Variants in TXNDC11 observed in about 807,000 individuals in gnomAD.
TXNDC11 encodes thioredoxin domain-containing protein 11.
TXNDC11 carries 68 observed loss-of-function variants against 78.0 expected under a neutral mutation model. The ratio of observed to expected loss-of-function variants is 0.87; its 90% CI spans 0.72 to 1.07. The LOEUF (loss-of-function observed/expected upper bound fraction) is 1.07. Among genes scored for constraint, TXNDC11 ranks in the 50% least tolerant of loss-of-function variants. The pLI is 0.00. For missense variants in TXNDC11, 1,389 were observed against 1,221.8 expected (o/e 1.14, Z -2.04); for synonymous variants, 571 against 495.2 (o/e 1.15, Z -2.03).
chr16:11,700,308 G>A (rs970693480), intron 6 of TXNDC11, 144 bp downstream of exon 6: 3 of 441,486 alleles, frequency 6.8e-6, no homozygotes, highest in African/African-American at 6.1e-5. Flanking sequence ...GGGTGGGGCT[G>A]TAAGAACTCT....
chr16:11,708,996 A>G (rs906851622), intron 5 of TXNDC11, among the ~76,000 whole-genome samples: 7 of 152,228 alleles, frequency 4.6e-5, no homozygotes, highest in African/African-American at 1.7e-4. Context: ...GATGTTATAT[A>G]TTTCCAATAA....
chr16:11,730,861 C>G, intron 3 of TXNDC11, 87 bp from the exon 4 acceptor site: 1 of 1,022,770 alleles, frequency 9.8e-7, no homozygotes, highest in Admixed American at 3.4e-5. Context: ...AAAATCATCA[C>G]CACCACAAAA....
intron 5 of TXNDC11, among the ~76,000 whole-genome samples, chr16:11,720,529 C>A (rs2051671942): frequency 6.6e-6 from 1 of 150,638 alleles, no homozygotes; most frequent in African/African-American, 2.5e-5. Context: ...GATTCTCCTG[C>A]CTCAGCCTCC....
intron 5 of TXNDC11, among the ~76,000 whole-genome samples, chr16:11,711,158 G>A (rs892695314): frequency 2.6e-5 from 4 of 151,084 alleles, no homozygotes; most frequent in African/African-American, 7.2e-5. Flanking sequence ...GCAAAGCCAA[G>A]AGGGAATCAC....
rs146918482 is a variant in TXNDC11, at chr16:11,726,864, G to A, written c.699+3781C>T. ...GAGGCTAGGAGTTCAAGACCAGCCT[G>A]GCCAAATGGTGAAACCCCATCTCTA... On this transcript the variant is annotated intron_variant, in intron 4 of 11. Coordinates refer to ENST00000283033, the MANE Select transcript of TXNDC11 (RefSeq NM_015914.7). Among the ~76,000 whole-genome samples, 419 of 152,176 alleles carry A rather than the reference G, an allele frequency of 2.8e-3. 1 individual carries two copies. The highest frequency in any genetic ancestry group is 9.2e-3 in the African/African-American group (383 of 41,516).
intron 7 of TXNDC11, among the ~76,000 whole-genome samples, chr16:11,693,008 G>C (rs888283475): frequency 6.6e-6 from 1 of 152,176 alleles, no homozygotes; most frequent in African/African-American, 2.4e-5. Context: ...TGCACCTCCA[G>C]TGTCCCTGAG....
intron 10 of TXNDC11, among the ~76,000 whole-genome samples, chr16:11,687,523 C>A (rs2050597300): frequency 6.6e-6 from 1 of 152,206 alleles, no homozygotes; most frequent in Non-Finnish European, 1.5e-5. Flanking sequence ...GATCCCAGGA[C>A]CCACTGGCAT....
At chr16:11,724,724 G>C (rs1353858616) in intron 4 of TXNDC11, among the ~76,000 whole-genome samples, 1 of 152,116 alleles carries the variant, frequency 6.6e-6, no homozygotes, top group Non-Finnish European at 1.5e-5. Flanking sequence ...TCCACAACTG[G>C]AGTAACTGAA....
At chr16:11,712,538 A>G (rs555586177) in intron 5 of TXNDC11, among the ~76,000 whole-genome samples, 1 of 152,328 alleles carries the variant, frequency 6.6e-6, no homozygotes, top group African/African-American at 2.4e-5. Flanking sequence ...CATTATAGCT[A>G]TATCACATAC....
At chr16:11,740,327 G>A (rs1156471866) in intron 1 of TXNDC11, among the ~76,000 whole-genome samples, 1 of 152,144 alleles carries the variant, frequency 6.6e-6, no homozygotes, top group East Asian at 1.9e-4. Flanking sequence ...TCTATTAAAA[G>A]ACTGTCAAAT....
intron 5 of TXNDC11, among the ~76,000 whole-genome samples, chr16:11,701,128 CTTTTTTTT>C (rs397855467): frequency 3.0e-5 from 3 of 101,648 alleles, no homozygotes; most frequent in South Asian, 3.1e-4. Flanking sequence ...CCAATGTCCT[CTTTTTTTT>C]TTTTTTTTTT....
intron 5 of TXNDC11, among the ~76,000 whole-genome samples, chr16:11,710,422 T>C (rs1362997091): frequency 6.6e-6 from 1 of 152,182 alleles, no homozygotes; most frequent in Non-Finnish European, 1.5e-5. Flanking sequence ...CCAAGGGCCA[T>C]TGCATTTTCA....
intron 8 of TXNDC11, 170 bp downstream of exon 8, chr16:11,691,120 C>T: frequency 1.6e-6 from 1 of 614,942 alleles, no homozygotes; most frequent in South Asian, 2.1e-5. Context: ...ATTTAATAGA[C>T]AAAATTAGCT....
At chr16:11,723,683 T>C (rs2051785737) in intron 4 of TXNDC11, among the ~76,000 whole-genome samples, 1 of 152,164 alleles carries the variant, frequency 6.6e-6, no homozygotes. Context: ...ACAAACAATA[T>C]GACAATGTTG....
At chr16:11,702,080 A>G (rs1227176786) in intron 5 of TXNDC11, among the ~76,000 whole-genome samples, 2 of 143,356 alleles carry the variant, frequency 1.4e-5, no homozygotes, top group South Asian at 4.3e-4. Flanking sequence ...GTGTGTGTGT[A>G]TGTATGTATG....
At chr16:11,723,437 T>C (rs1350319226) in intron 4 of TXNDC11, among the ~76,000 whole-genome samples, 1 of 151,766 alleles carries the variant, frequency 6.6e-6, no homozygotes, top group African/African-American at 2.4e-5. Flanking sequence ...ATAAAAAAAT[T>C]AGCCAGCCAT....
At chr16:11,684,451 C>A (rs937784465) in intron 10 of TXNDC11, among the ~76,000 whole-genome samples, 1 of 152,204 alleles carries the variant, frequency 6.6e-6, no homozygotes, top group African/African-American at 2.4e-5. Flanking sequence ...ACGCTTTCCA[C>A]TGAGTGGCAA....
intron 5 of TXNDC11, among the ~76,000 whole-genome samples, chr16:11,713,416 T>C (rs188930465): frequency 6.6e-6 from 1 of 151,996 alleles, no homozygotes; most frequent in African/African-American, 2.4e-5. Flanking sequence ...AAGTATGGAA[T>C]TTTTTTTCCT....
At chr16:11,734,266 T>G (rs1205706664) in intron 2 of TXNDC11, among the ~76,000 whole-genome samples, 187 bp from the exon 3 acceptor site, 1 of 152,236 alleles carries the variant, frequency 6.6e-6, no homozygotes, top group Non-Finnish European at 1.5e-5. Flanking sequence ...CATACTCTTA[T>G]CTATGATGTC....
Sources: gnomAD v4.1 joint callset for allele counts (sites outside exome capture counted in the v4.1 genomes callset) on GRCh38, gnomAD v4.1.1 for gene constraint, MANE v1.5 for transcripts, NCBI Gene and HGNC (gene_info 2026-07-23, HGNC 2026-07-21) for gene names.